Variants in SRGAP2 observed in about 807,000 individuals in gnomAD.
SRGAP2 encodes the protein SLIT-ROBO Rho GTPase activating protein 2, also known as SLIT-ROBO Rho GTPase-activating protein 2.
In SRGAP2, 15 loss-of-function variants were observed where a neutral mutation model predicts 57.2. The observed-to-expected ratio is 0.26, with a 90% CI of 0.18 to 0.40. The LOEUF (loss-of-function observed/expected upper bound fraction) is 0.40. SRGAP2 is among the 10% of genes least tolerant of loss of function. The pLI is 1.00. For missense variants in SRGAP2, 520 were observed against 669.6 expected (o/e 0.78, Z 2.47); for synonymous variants, 249 against 248.0 (o/e 1.00, Z -0.04).
chr1:206,283,986 C>A (rs1670882192), intron 2 of SRGAP2, among the ~76,000 whole-genome samples: 1 of 143,934 alleles, frequency 6.9e-6, no homozygotes. Flanking sequence ...AGTTTGAGAC[C>A]AAATATACAT....
chr1:206,452,222 C>T lies in SRGAP2; in HGVS notation c.2180-978C>T, dbSNP rs546612229. 2.3e-3 allele frequency among the ~76,000 whole-genome samples: 351 copies of T among 152,206 alleles called. 1 individual carries two copies. The highest frequency in any genetic ancestry group is 3.8e-3 in the Non-Finnish European group (261 of 68,022). ...ATGTTACAGATGAGGAGACAGAAGC[C>T]CACACAAAAATAAAGATAGATTGCA... is the stretch of plus-strand genomic sequence containing the variant. On this transcript the variant is annotated intron_variant, in intron 19 of 22. Transcript: ENST00000573034.
intron 2 of SRGAP2, among the ~76,000 whole-genome samples, chr1:206,291,531 A>G (rs1428901367): frequency 6.6e-6 from 1 of 151,976 alleles, no homozygotes; most frequent in African/African-American, 2.4e-5. Context: ...GCAGAACTAC[A>G]ATTAAAATCC....
chr1:206,303,884 TCTCTCACACACACA>T (rs1463882451), intron 3 of SRGAP2, among the ~76,000 whole-genome samples: 16 of 142,512 alleles, frequency 1.1e-4, no homozygotes, highest in African/African-American at 4.1e-4. Context: ...TCTCTCTCTC[TCTCTCACACACACA>T]CACACACACA....
At chr1:206,424,753 C>T (rs1553365708) in intron 13 of SRGAP2, among the ~76,000 whole-genome samples, 1 of 152,246 alleles carries the variant, frequency 6.6e-6, no homozygotes, top group Non-Finnish European at 1.5e-5. Flanking sequence ...TGCACAGACA[C>T]ATCCCAGGGA....
At chr1:206,278,342 CTTT>C (rs1327766898) in intron 2 of SRGAP2, among the ~76,000 whole-genome samples, 1 of 134,470 alleles carries the variant, frequency 7.4e-6, no homozygotes, top group Non-Finnish European at 1.6e-5. Flanking sequence ...CTTTCTTCTA[CTTT>C]TTTTTTTTTT....
chr1:206,420,901 T>C (rs184622787), intron 12 of SRGAP2, among the ~76,000 whole-genome samples: 4 of 152,260 alleles, frequency 2.6e-5, no homozygotes, highest in East Asian at 1.9e-4. Flanking sequence ...GGCAAAAAAA[T>C]CTTCTTATTG....
intron 4 of SRGAP2, among the ~76,000 whole-genome samples, chr1:206,372,969 C>CT (rs1558359070): frequency 8.6e-4 from 10 of 11,620 alleles, no homozygotes; most frequent in African/African-American, 1.9e-3. Flanking sequence ...TCTTTCCTTT[C>CT]TTTCTTTCTT....
chr1:206,412,299 T>C (rs1218476787), intron 10 of SRGAP2, among the ~76,000 whole-genome samples: 1 of 152,254 alleles, frequency 6.6e-6, no homozygotes, highest in Non-Finnish European at 1.5e-5. Context: ...ACAATGGCAC[T>C]AAACAAAATG....
intron 15 of SRGAP2, 138 bp from the exon 16 acceptor site, chr1:206,437,826 A>G (rs888131659): frequency 5.8e-6 from 4 of 685,138 alleles, no homozygotes; most frequent in Non-Finnish European, 8.0e-6. Context: ...GGTCTGTCCC[A>G]CTCATGGCCA....
chr1:206,427,849 C>T (rs1660939375), intron 13 of SRGAP2, among the ~76,000 whole-genome samples: 1 of 152,204 alleles, frequency 6.6e-6, no homozygotes, highest in Non-Finnish European at 1.5e-5. Flanking sequence ...TGGTTCATAC[C>T]TGTAATCCCA....
At chr1:206,441,651 A>C (rs1284087367) in intron 17 of SRGAP2, among the ~76,000 whole-genome samples, 2 of 152,206 alleles carry the variant, frequency 1.3e-5, no homozygotes, top group Non-Finnish European at 2.9e-5. Context: ...CAATGAAATC[A>C]TACTTACATT....
intron 4 of SRGAP2, among the ~76,000 whole-genome samples, chr1:206,354,832 T>C (rs1676316404): frequency 6.8e-6 from 1 of 147,536 alleles, no homozygotes; most frequent in African/African-American, 2.5e-5. Flanking sequence ...CTTTCTCTCT[T>C]CCTTTTCCTC....
At position 206,463,100 on chromosome 1, in the gene SRGAP2, T is replaced by C. The variant is rs1424046375; in HGVS notation, c.*1680T>C. 1.3e-5 allele frequency: 2 copies of C among 152,352 alleles called. No individual in the cohort carries two copies. Among genetic ancestry groups the C allele is most frequent in the Admixed American group, 6.5e-5 (1 of 15,284 alleles). 9.4% of individuals were successfully genotyped at this position (152,352 alleles called of 1,614,324 possible). ...ATCTTTGACCTAGAAGAGATTCTTT[T>C]TGGACCAACCTGCGAAATTGGTAGT... On this transcript the variant is annotated 3_prime_UTR_variant, in exon 23 of 23. Coordinates refer to ENST00000573034, the MANE Select transcript of SRGAP2 (RefSeq NM_015326.5).
intron 18 of SRGAP2, among the ~76,000 whole-genome samples, chr1:206,449,531 C>T (rs916472557): frequency 6.6e-6 from 1 of 151,228 alleles, no homozygotes; most frequent in African/African-American, 2.4e-5. Flanking sequence ...CTCAAATGAT[C>T]CTCCCAAAGT....
At chr1:206,289,520 G>A (rs1475656580) in intron 2 of SRGAP2, among the ~76,000 whole-genome samples, 1 of 151,562 alleles carries the variant, frequency 6.6e-6, no homozygotes, top group Non-Finnish European at 1.5e-5. Context: ...CTCGTGGTCC[G>A]CCTGCCTTGG....
intron 2 of SRGAP2, among the ~76,000 whole-genome samples, chr1:206,251,292 A>G (rs2102586154): frequency 6.6e-6 from 1 of 151,932 alleles, no homozygotes; most frequent in East Asian, 1.9e-4. Context: ...TTTTGGGTTA[A>G]GGGAAGTTCA....
At chr1:206,460,796 C>A (rs1664196496) in intron 22 of SRGAP2, among the ~76,000 whole-genome samples, 2 of 143,080 alleles carry the variant, frequency 1.4e-5, no homozygotes, top group South Asian at 4.7e-4. Flanking sequence ...AACCTAGGGT[C>A]TCTAAAAAAA....
In SRGAP2 at chr1:206,454,572, TC is replaced by T; in HGVS notation, c.2361-302del. On this transcript the variant is annotated intron_variant, in intron 20 of 22. Transcript: ENST00000573034. The surrounding 1 kb of genome is among the most constrained non-coding windows in gnomAD (Gnocchi z 4.3). Reference sequence around the variant, plus strand: ...TCCAGGAGGCCGCCCCAGCACGGCCTCCCCAGGAAGCAGCATGGGGTAGAAG... The same window carrying T: ...TCCAGGAGGCCGCCCCAGCACGGCCTCCCAGGAAGCAGCATGGGGTAGAAG... 2.4e-6 allele frequency: 1 copy of T among 412,928 alleles called. No homozygotes were observed. The highest frequency in any genetic ancestry group is 6.3e-4 in the Middle Eastern group (1 of 1,584). 25.6% of individuals were successfully genotyped at this position (412,928 alleles called of 1,614,324 possible). A position where few individuals can be genotyped will look rare whatever the true frequency, so the allele number is the denominator to read the frequency against.
At chr1:206,337,156 C>CTTTGGATTCCT (rs1379811822) in intron 3 of SRGAP2, among the ~76,000 whole-genome samples, 1 of 149,498 alleles carries the variant, frequency 6.7e-6, no homozygotes, top group Non-Finnish European at 1.5e-5. Context: ...TCTGTGCTCC[C>CTTTGGATTCCT]TTTGGATTCC....
Sources: allele counts gnomAD v4.1 joint callset (sites outside exome capture counted in the v4.1 genomes callset), GRCh38; gene constraint gnomAD v4.1.1; non-coding constraint Gnocchi (gnomAD v3.1); transcripts MANE v1.5; gene names NCBI Gene and HGNC (gene_info 2026-07-23, HGNC 2026-07-21).